The following SLC24A2 variants were observed in gnomAD, a reference collection of about 807,000 sequenced individuals.
SLC24A2 encodes solute carrier family 24 member 2, also known as sodium/potassium/calcium exchanger 2.
SLC24A2 carries 36 observed loss-of-function variants against 62.0 expected under a neutral mutation model. That is an observed-to-expected ratio of 0.58 (90% CI 0.44 to 0.77). SLC24A2 has a LOEUF of 0.77. Ranked by LOEUF, SLC24A2 falls within the 30% of genes least tolerant of loss-of-function variation. The pLI is 0.00. For synonymous variants in SLC24A2, 358 were observed against 294.0 expected, an observed-to-expected ratio of 1.22 and a Z score of -2.23; for missense variants, 846 against 817.9, an observed-to-expected ratio of 1.03 and a Z score of -0.42.
the SLC24A2 span, among the ~76,000 whole-genome samples, chr9:20,222,520 T>C: frequency 2.6e-5 from 4 of 152,094 alleles, no homozygotes; most frequent in African/African-American, 9.7e-5. Flanking sequence ...TTTATATCAA[T>C]GTTTGTATCA....
chr9:19,593,183 C>T (rs1836607318), intron 5 of SLC24A2, among the ~76,000 whole-genome samples: 1 of 152,174 alleles, frequency 6.6e-6, no homozygotes, highest in South Asian at 2.1e-4. Context: ...AAGAAAGATG[C>T]CTTCCACTGG....
the SLC24A2 span, among the ~76,000 whole-genome samples, chr9:20,037,363 G>C: frequency 6.6e-6 from 1 of 152,170 alleles, no homozygotes; most frequent in Non-Finnish European, 1.5e-5. Flanking sequence ...TCGATTTGAA[G>C]TTGGTTGATT....
At chr9:19,556,664 T>G (rs1835100528) in intron 7 of SLC24A2, among the ~76,000 whole-genome samples, 1 of 152,138 alleles carries the variant, frequency 6.6e-6, no homozygotes, top group African/African-American at 2.4e-5. Flanking sequence ...CACTTAGGAG[T>G]GCTACCTCTT....
At chr9:20,223,364 C>G in the SLC24A2 span, among the ~76,000 whole-genome samples, 1 of 152,122 alleles carries the variant, frequency 6.6e-6, no homozygotes, top group Non-Finnish European at 1.5e-5. Context: ...CGGGCTCACA[C>G]CTCTAATCTC....
At chr9:19,637,326 C>A (rs975561593) in intron 2 of SLC24A2, among the ~76,000 whole-genome samples, 35 of 152,216 alleles carry the variant, frequency 2.3e-4, no homozygotes, top group African/African-American at 8.2e-4. Flanking sequence ...CGGAGGTCTG[C>A]CCTGGGCATC....
At chr9:19,666,104 T>C (rs997692890) in intron 2 of SLC24A2, among the ~76,000 whole-genome samples, 9 of 152,150 alleles carry the variant, frequency 5.9e-5, no homozygotes, top group Admixed American at 5.9e-4. Flanking sequence ...CAATGATACA[T>C]CTTACTCATT....
the SLC24A2 span, among the ~76,000 whole-genome samples, chr9:20,106,778 A>G: frequency 1.3e-5 from 2 of 152,178 alleles, no homozygotes; most frequent in Admixed American, 1.3e-4. Flanking sequence ...ATTCCCTTTG[A>G]AAACTGGCAC....
the SLC24A2 span, among the ~76,000 whole-genome samples, chr9:19,922,818 G>T: frequency 6.6e-6 from 1 of 152,120 alleles, no homozygotes; most frequent in African/African-American, 2.4e-5. Context: ...ACATGTCTGA[G>T]TCTCAGGTGA....
At chr9:19,996,321 T>C in the SLC24A2 span, among the ~76,000 whole-genome samples, 1 of 152,238 alleles carries the variant, frequency 6.6e-6, no homozygotes, top group Non-Finnish European at 1.5e-5. Flanking sequence ...CAGTGACTCC[T>C]GTGAAATTCC....
chr9:20,306,425 T>A, the SLC24A2 span, among the ~76,000 whole-genome samples: 6 of 152,210 alleles, frequency 3.9e-5, no homozygotes, highest in Non-Finnish European at 5.9e-5. Flanking sequence ...TATATAGCTG[T>A]CTTGCTTAAT....
At chr9:19,653,302 G>A (rs1179078823) in intron 2 of SLC24A2, among the ~76,000 whole-genome samples, 5 of 152,152 alleles carry the variant, frequency 3.3e-5, no homozygotes, top group Admixed American at 6.5e-5. Flanking sequence ...ACTTAATCAC[G>A]TGCAATCATT....
At chr9:19,960,735 C>G in the SLC24A2 span, among the ~76,000 whole-genome samples, 1 of 152,076 alleles carries the variant, frequency 6.6e-6, no homozygotes, top group East Asian at 1.9e-4. Context: ...GCTGTGTGAT[C>G]TTAGGCAAAT....
the SLC24A2 span, among the ~76,000 whole-genome samples, chr9:19,938,703 A>G: frequency 6.6e-6 from 1 of 152,160 alleles, no homozygotes; most frequent in East Asian, 1.9e-4. Flanking sequence ...TAATTGCTCC[A>G]TGGATCCTTG....
Position 19,673,183 on chromosome 9 carries a change from G to A in SLC24A2, c.931-50884C>T, listed in dbSNP as rs1356849257. Among the ~76,000 whole-genome samples the A allele has an allele frequency of 6.2e-5, 9 of 146,198 alleles. 1 individual carries two copies. The highest frequency in any genetic ancestry group is 1.3e-4 in the Non-Finnish European group (9 of 67,436). ...TGTTGCCATGTATCTCATTTCTTAG[G>A]TCTAGTAGTAACAGTTTTATAAATT... On this transcript the variant is annotated intron_variant, in intron 2 of 10. Coordinates refer to ENST00000341998, the MANE Select transcript of SLC24A2 (RefSeq NM_020344.4).
At chr9:19,768,540 A>G (rs1822586385) in intron 2 of SLC24A2, among the ~76,000 whole-genome samples, 1 of 152,154 alleles carries the variant, frequency 6.6e-6, no homozygotes, top group African/African-American at 2.4e-5. Context: ...CTTAAATTTG[A>G]TAACTGAGAT....
the SLC24A2 span, among the ~76,000 whole-genome samples, chr9:20,299,789 G>A: frequency 1.3e-5 from 2 of 152,202 alleles, no homozygotes; most frequent in Admixed American, 6.5e-5. Context: ...AAACTTGCTC[G>A]ATGTCACAGA....
Position 19,513,180 on chromosome 9 carries a change from A to ATATATATATATG in SLC24A2, c.*2961_*2972dup, listed in dbSNP as rs1832792830. On this transcript the variant is annotated 3_prime_UTR_variant, in exon 11 of 11. Coordinates refer to ENST00000341998, the MANE Select transcript of SLC24A2 (RefSeq NM_020344.4). ...TATATATATATATATATATATGTAT[A>ATATATATATATG]TATATATATATGTATATATTTATAT... 2 of 134,982 alleles carry ATATATATATATG rather than the reference A, an allele frequency of 1.5e-5. No homozygotes were observed. Among genetic ancestry groups the ATATATATATATG allele is most frequent in the African/African-American group, 5.7e-5 (2 of 35,034 alleles). 8.4% of individuals were successfully genotyped at this position (134,982 alleles called of 1,614,324 possible). A position where few individuals can be genotyped will look rare whatever the true frequency, so the allele number is the denominator to read the frequency against.
chr9:20,036,638 C>T, the SLC24A2 span, among the ~76,000 whole-genome samples: 1 of 152,190 alleles, frequency 6.6e-6, no homozygotes, highest in African/African-American at 2.4e-5. Context: ...CCTCCAGTTT[C>T]ATGCATGTTG....
chr9:20,294,544 G>A, the SLC24A2 span, among the ~76,000 whole-genome samples: 1 of 152,126 alleles, frequency 6.6e-6, no homozygotes, highest in African/African-American at 2.4e-5. Context: ...CAGTTCTGCT[G>A]ACTCAATGCT....
Sources: allele counts gnomAD v4.1 joint callset (sites outside exome capture counted in the v4.1 genomes callset), GRCh38; gene constraint gnomAD v4.1.1; transcripts MANE v1.5; gene names NCBI Gene and HGNC (gene_info 2026-07-23, HGNC 2026-07-21).